The following MMP16 variants were observed in gnomAD, a reference collection of about 807,000 sequenced individuals.
The protein encoded by MMP16 is matrix metalloproteinase-16.
Under a neutral mutation model 67.8 loss-of-function variants are expected in MMP16, and 12 were observed. The ratio of observed to expected loss-of-function variants is 0.18; its 90% CI spans 0.11 to 0.29. MMP16 has a LOEUF of 0.29. MMP16 is among the 10% of genes least tolerant of loss of function. The pLI, the probability that MMP16 is intolerant of heterozygous loss-of-function variation, is 1.00. For missense variants in MMP16, 475 were observed against 765.7 expected (o/e 0.62, Z 4.48); for synonymous variants, 249 against 255.9 (o/e 0.97, Z 0.26).
chr8:88,255,504 CTTAA>C (rs1810287652), intron 1 of MMP16, among the ~76,000 whole-genome samples: 1 of 152,104 alleles, frequency 6.6e-6, no homozygotes, highest in Non-Finnish European at 1.5e-5. Context: ...TTGGTATTAC[CTTAA>C]TTTACAGTTG....
chr8:88,101,790 A>G (rs1809149642), intron 6 of MMP16, among the ~76,000 whole-genome samples: 1 of 151,936 alleles, frequency 6.6e-6, no homozygotes, highest in South Asian at 2.1e-4. Flanking sequence ...TACAAAGAAA[A>G]GGAAAACATT....
chr8:88,096,644 T>C (rs557641079), intron 6 of MMP16, among the ~76,000 whole-genome samples: 226 of 152,074 alleles, frequency 1.5e-3, no homozygotes, highest in Non-Finnish European at 2.6e-3. Context: ...CTGAGTGTTA[T>C]GTCTAAAGCC....
At chr8:88,206,681 T>G (rs1418710299) in intron 1 of MMP16, among the ~76,000 whole-genome samples, 3 of 152,252 alleles carry the variant, frequency 2.0e-5, no homozygotes, top group Non-Finnish European at 4.4e-5. Context: ...TATTTCAGTG[T>G]TTAATATCAG....
chr8:88,190,567 C>T (rs1809154671), intron 2 of MMP16, among the ~76,000 whole-genome samples: 1 of 152,256 alleles, frequency 6.6e-6, no homozygotes, highest in African/African-American at 2.4e-5. Flanking sequence ...AGGTTCATTT[C>T]CAGTTGCCCA....
chr8:88,220,557 T>C (rs1039092930), intron 1 of MMP16, among the ~76,000 whole-genome samples: 7 of 151,920 alleles, frequency 4.6e-5, no homozygotes, highest in Admixed American at 1.3e-4. Flanking sequence ...AGTCTGAACA[T>C]AGGTAGTGTC....
chr8:88,203,542 C>A (rs1809377934), intron 1 of MMP16, among the ~76,000 whole-genome samples: 1 of 152,186 alleles, frequency 6.6e-6, no homozygotes, highest in African/African-American at 2.4e-5. Flanking sequence ...TTCATCACCA[C>A]TAGATGTCCT....
At chr8:88,098,992 A>G (rs1442432707) in intron 6 of MMP16, among the ~76,000 whole-genome samples, 3 of 151,900 alleles carry the variant, frequency 2.0e-5, no homozygotes, top group East Asian at 3.9e-4. Flanking sequence ...ATTTTCCTAT[A>G]TTATGATAAA....
rs573858540 is a variant in MMP16, at chr8:88,118,216, A to G, written c.871+484T>C. ...TATGACTTTGGGGTCAATTTCTTGC[A>G]TCTATCACATAAGGGTATTTTGTGG... On this transcript the variant is annotated intron_variant, in intron 5 of 9. Coordinates refer to ENST00000286614, the MANE Select transcript of MMP16 (RefSeq NM_005941.5). Among the ~76,000 whole-genome samples, 163 of 152,164 alleles carry G rather than the reference A, an allele frequency of 1.1e-3. 1 individual carries two copies. Among genetic ancestry groups the G allele is most frequent in the African/African-American group, 3.9e-3 (161 of 41,548 alleles).
intron 1 of MMP16, among the ~76,000 whole-genome samples, chr8:88,229,339 C>A (rs959895600): frequency 6.6e-6 from 1 of 152,034 alleles, no homozygotes; most frequent in African/African-American, 2.4e-5. Flanking sequence ...AATGACAACA[C>A]ATATGCTAGG....
At chr8:88,308,548 G>C (rs142159973) in intron 1 of MMP16, among the ~76,000 whole-genome samples, 3 of 152,180 alleles carry the variant, frequency 2.0e-5, no homozygotes, top group South Asian at 2.1e-4. Flanking sequence ...ACCTGAGCAA[G>C]AGTGAGGGAA....
chr8:88,069,569 T>A (rs767111969), intron 7 of MMP16: 4 of 465,404 alleles, frequency 8.6e-6, no homozygotes, highest in Non-Finnish European at 1.7e-5. Context: ...GAAGAAAGTA[T>A]CTCCTTTCAG....
At chr8:88,214,623 A>C (rs1245931406) in intron 1 of MMP16, among the ~76,000 whole-genome samples, 1 of 152,208 alleles carries the variant, frequency 6.6e-6, no homozygotes, top group African/African-American at 2.4e-5. Flanking sequence ...TCACATATTT[A>C]TCATTTATTT....
intron 1 of MMP16, among the ~76,000 whole-genome samples, chr8:88,246,846 T>C (rs1294723831): frequency 6.6e-6 from 1 of 152,200 alleles, no homozygotes; most frequent in Non-Finnish European, 1.5e-5. Context: ...AGTTCTAAAA[T>C]AAGAATATGC....
intron 1 of MMP16, among the ~76,000 whole-genome samples, chr8:88,273,345 C>T (rs1342730149): frequency 6.6e-6 from 1 of 151,372 alleles, no homozygotes; most frequent in Non-Finnish European, 1.5e-5. Flanking sequence ...CCTGCTTCAG[C>T]CTCCCAAAGT....
In MMP16 at chr8:88,146,700, A is replaced by G. The variant is rs113530593; in HGVS notation, c.709+20969T>C. 7.8e-3 allele frequency among the ~76,000 whole-genome samples: 1,178 copies of G among 151,852 alleles called. 11 individuals are homozygous for G. Among genetic ancestry groups the G allele is most frequent in the African/African-American group, 0.027 (1,124 of 41,524 alleles). On this transcript the variant is annotated intron_variant, in intron 4 of 9. Transcript: ENST00000286614. ...TTAAATGATACTTCTTTTTTTGGCT[A>G]TTAAAAGCAATTATGGCATGAAAAC...
intron 1 of MMP16, among the ~76,000 whole-genome samples, chr8:88,228,302 A>G (rs376180731): frequency 6.6e-6 from 1 of 152,134 alleles, no homozygotes; most frequent in African/African-American, 2.4e-5. Context: ...TGAAACATAC[A>G]TTTCTACAAA....
At chr8:88,141,781 T>G (rs2118502872) in intron 4 of MMP16, among the ~76,000 whole-genome samples, 1 of 152,304 alleles carries the variant, frequency 6.6e-6, no homozygotes, top group Non-Finnish European at 1.5e-5. Flanking sequence ...AGTATAAACT[T>G]GCTCTGCATT....
rs73287054 is a variant in MMP16, at chr8:88,143,002, A to G, written c.710-24141T>C. ...AATGGAGATGTATGGATATAGATAT[A>G]TCAGAGTGGGTATCTGCCTAGATCG... On this transcript the variant is annotated intron_variant, in intron 4 of 9. Coordinates refer to ENST00000286614, the MANE Select transcript of MMP16 (RefSeq NM_005941.5). Among the ~76,000 whole-genome samples the G allele has an allele frequency of 5.4e-3, 826 of 152,314 alleles. 2 individuals carry two copies. The highest frequency in any genetic ancestry group is 0.019 in the African/African-American group (772 of 41,578).
chr8:88,109,925 TA>T (rs1256054740), intron 6 of MMP16, among the ~76,000 whole-genome samples: 1 of 151,274 alleles, frequency 6.6e-6, no homozygotes, highest in Non-Finnish European at 1.5e-5. Context: ...TGCATGATTA[TA>T]GGGAATTGTC....
Sources: gnomAD v4.1 joint callset for allele counts (sites outside exome capture counted in the v4.1 genomes callset) on GRCh38, gnomAD v4.1.1 for gene constraint, MANE v1.5 for transcripts, NCBI Gene and HGNC (gene_info 2026-07-23, HGNC 2026-07-21) for gene names.